Variants in TAFA2 observed in about 807,000 individuals in gnomAD.
TAFA2 encodes the protein chemokine-like protein TAFA-2.
Under a neutral mutation model 18.8 loss-of-function variants are expected in TAFA2, and 7 were observed. That is an observed-to-expected ratio of 0.37 (90% CI 0.21 to 0.70). The LOEUF is 0.70. Among genes scored for constraint, TAFA2 ranks in the 30% least tolerant of loss-of-function variants. TAFA2 has a pLI of 0.53. For missense variants in TAFA2, 122 were observed against 158.1 expected (o/e 0.77, Z 1.23); for synonymous variants, 60 against 54.2 (o/e 1.11, Z -0.47).
intron 1 of TAFA2, among the ~76,000 whole-genome samples, chr12:62,114,310 G>A (rs914455935): frequency 8.6e-5 from 13 of 152,044 alleles, no homozygotes; most frequent in African/African-American, 2.2e-4. Context: ...CTCGTCCTCC[G>A]TGGGCTGCAC....
intron 1 of TAFA2, among the ~76,000 whole-genome samples, chr12:61,955,929 A>T (rs989451666): frequency 6.6e-6 from 1 of 151,930 alleles, no homozygotes; most frequent in Non-Finnish European, 1.5e-5. Flanking sequence ...TAGCGATTTT[A>T]AAACAAATAT....
chr12:61,741,811 A>C (rs7484716), intron 4 of TAFA2, among the ~76,000 whole-genome samples: 78,061 of 151,996 alleles, frequency 0.51, 20,458 homozygotes, highest in African/African-American at 0.62. Flanking sequence ...ACCCACATAG[A>C]GTACATTCGA....
At chr12:61,977,198 A>C (rs933760598) in intron 1 of TAFA2, among the ~76,000 whole-genome samples, 2 of 152,050 alleles carry the variant, frequency 1.3e-5, no homozygotes, top group Non-Finnish European at 2.9e-5. Context: ...GAAAGACTCA[A>C]GTATGCTTTT....
intron 1 of TAFA2, among the ~76,000 whole-genome samples, chr12:62,126,269 C>A (rs1329463563): frequency 7.2e-5 from 11 of 152,190 alleles, no homozygotes. Flanking sequence ...ACCAACCAGA[C>A]ACTTAAGTGG....
intron 2 of TAFA2, among the ~76,000 whole-genome samples, chr12:61,855,924 A>T (rs1015703722): frequency 6.6e-6 from 1 of 152,128 alleles, no homozygotes; most frequent in African/African-American, 2.4e-5. Context: ...AGCATCAAAG[A>T]CAAAATAAAA....
chr12:61,735,695 T>C (rs1397029892), intron 4 of TAFA2, among the ~76,000 whole-genome samples: 2 of 152,066 alleles, frequency 1.3e-5, no homozygotes, highest in African/African-American at 4.8e-5. Context: ...TTTAGTTGAC[T>C]TGGAAATTAC....
intron 1 of TAFA2, among the ~76,000 whole-genome samples, chr12:62,215,644 C>CAAGAGGAAGAACTTGTTTTTCTTGCTT (rs2062731605): frequency 6.8e-5 from 3 of 44,210 alleles, no homozygotes; most frequent in East Asian, 6.7e-4. Context: ...AAAAAAAAAA[C>CAAGAGGAAGAACTTGTTTTTCTTGCTT]AAGAGGAAGA....
At position 61,709,212 on chromosome 12, in the gene TAFA2, A is replaced by G. The variant is rs549745183; in HGVS notation, c.*1194T>C. 1.2e-4 allele frequency: 18 copies of G among 152,678 alleles called. No individual in the cohort carries two copies. In the East Asian group the frequency reaches 3.5e-3, roughly 29 times the overall value. The allele number at this position is 152,678 out of a possible 1,614,324, so 9.5% of individuals were successfully genotyped here. On this transcript the variant is annotated 3_prime_UTR_variant, in exon 5 of 5. Coordinates refer to ENST00000416284, the MANE Select transcript of TAFA2 (RefSeq NM_178539.5). Reference sequence around the variant, plus strand: ...TGTTTAAGGCCTTTAAATATTTATGACTTTCCTGTAGAACCAAAACCATAA... The same window carrying G: ...TGTTTAAGGCCTTTAAATATTTATGGCTTTCCTGTAGAACCAAAACCATAA...
chr12:61,755,033 A>T lies in TAFA2; in HGVS notation c.107-9T>A. ...CGTTTTAACATGGTGAGCTGCACAA[A>T]CAAAAAAGATAAGACAACATTGAGA... On this transcript the variant is annotated splice_polypyrimidine_tract_variant and intron_variant, in intron 2 of 4. Coordinates refer to ENST00000416284, the MANE Select transcript of TAFA2 (RefSeq NM_178539.5). The T allele has an allele frequency of 6.2e-7, 1 of 1,612,202 alleles. No homozygotes were observed. The highest frequency in any genetic ancestry group is 8.5e-7 in the Non-Finnish European group (1 of 1,178,966).
At chr12:61,978,465 G>A (rs1383512930) in intron 1 of TAFA2, among the ~76,000 whole-genome samples, 1 of 151,866 alleles carries the variant, frequency 6.6e-6, no homozygotes, top group African/African-American at 2.4e-5. Flanking sequence ...TAAAAGAGAG[G>A]AACAGTTCCT....
intron 1 of TAFA2, among the ~76,000 whole-genome samples, chr12:61,899,875 G>T (rs991256776): frequency 1.3e-5 from 2 of 152,170 alleles, no homozygotes; most frequent in Non-Finnish European, 2.9e-5. Context: ...ATCTAGAGAT[G>T]ATTTATAGTA....
At chr12:61,713,708 T>C (rs1283394168) in intron 4 of TAFA2, among the ~76,000 whole-genome samples, 1 of 152,168 alleles carries the variant, frequency 6.6e-6, no homozygotes. Context: ...AATGAAATTA[T>C]TACCTAAAAT....
At chr12:62,049,388 T>G (rs1445361124) in intron 1 of TAFA2, among the ~76,000 whole-genome samples, 1 of 152,142 alleles carries the variant, frequency 6.6e-6, no homozygotes, top group Non-Finnish European at 1.5e-5. Context: ...AAAGAAACAT[T>G]AGCAGACAAT....
chr12:62,035,555 TA>T (rs59314641), intron 1 of TAFA2, among the ~76,000 whole-genome samples: 19,548 of 143,648 alleles, frequency 0.14, 1,656 homozygotes, highest in African/African-American at 0.24. Context: ...TAAAAAAAAT[TA>T]AAAAAAAAAA....
intron 1 of TAFA2, among the ~76,000 whole-genome samples, chr12:61,999,688 G>C (rs1049104719): frequency 2.0e-5 from 3 of 152,094 alleles, no homozygotes; most frequent in Non-Finnish European, 2.9e-5. Context: ...CTATATCCCA[G>C]AATTGTTGAG....
At chr12:61,723,149 GT>G (rs909871767) in intron 4 of TAFA2, among the ~76,000 whole-genome samples, 72 of 152,226 alleles carry the variant, frequency 4.7e-4, no homozygotes, top group African/African-American at 1.7e-3. Context: ...CAGAAGAAAT[GT>G]GGCCACTTCA....
chr12:61,908,613 T>C (rs762774928), intron 1 of TAFA2, among the ~76,000 whole-genome samples: 1 of 152,172 alleles, frequency 6.6e-6, no homozygotes, highest in Non-Finnish European at 1.5e-5. Flanking sequence ...ATATAGATTT[T>C]TAAAGTTTCT....
At chr12:62,224,211 C>A (rs1388648947) in intron 1 of TAFA2, among the ~76,000 whole-genome samples, 5 of 151,952 alleles carry the variant, frequency 3.3e-5, no homozygotes, top group African/African-American at 9.7e-5. Context: ...GAAGTCCATA[C>A]AAATGCTTCA....
intron 1 of TAFA2, among the ~76,000 whole-genome samples, chr12:61,970,635 C>T (rs993385022): frequency 3.3e-5 from 5 of 150,978 alleles, no homozygotes; most frequent in Admixed American, 2.0e-4. Context: ...ATGTTCTTCT[C>T]GAGAAAATGA....
Sources: allele counts gnomAD v4.1 joint callset (sites outside exome capture counted in the v4.1 genomes callset), GRCh38; gene constraint gnomAD v4.1.1; transcripts MANE v1.5; gene names NCBI Gene and HGNC (gene_info 2026-07-23, HGNC 2026-07-21).